RPTOR: variants seen among roughly 807,000 people sequenced by gnomAD.
RPTOR encodes regulatory associated protein of MTOR complex 1, also known as regulatory-associated protein of mTOR.
A neutral mutation model predicts 169.9 loss-of-function variants in RPTOR; 21 were observed. That is an observed-to-expected ratio of 0.12 (90% CI 0.09 to 0.18). The LOEUF is 0.18. Ranked by LOEUF, RPTOR falls within the 10% of genes least tolerant of loss-of-function variation. RPTOR has a pLI of 1.00. For missense variants in RPTOR, 1,133 were observed against 1,855.9 expected (o/e 0.61, Z 7.16); for synonymous variants, 732 against 753.2 (o/e 0.97, Z 0.46).
intron 1 of RPTOR, among the ~76,000 whole-genome samples, chr17:80,623,155 G>A (rs969275608): frequency 6.6e-6 from 1 of 152,080 alleles, no homozygotes; most frequent in African/African-American, 2.4e-5. Context: ...TATTATTAGT[G>A]TTATTTTAGA....
chr17:80,955,705 C>T (rs181037100), intron 28 of RPTOR, among the ~76,000 whole-genome samples: 4 of 152,122 alleles, frequency 2.6e-5, no homozygotes, highest in Non-Finnish European at 4.4e-5. Flanking sequence ...CACCACACAT[C>T]GATAAGGATT....
chr17:80,774,749 G>A (rs548452091), intron 6 of RPTOR, among the ~76,000 whole-genome samples: 9 of 152,348 alleles, frequency 5.9e-5, no homozygotes, highest in African/African-American at 2.2e-4. Context: ...TAGCATTTGC[G>A]GCGCCACATC....
At chr17:80,692,275 CTACGTTATGTTATGTTATGT>C (rs2065998907) in intron 3 of RPTOR, among the ~76,000 whole-genome samples, 6 of 139,422 alleles carry the variant, frequency 4.3e-5, no homozygotes, top group South Asian at 2.4e-4. Context: ...CCATGTCTGG[CTACGTTATGTTATGTTATGT>C]TATGTTATGT....
intron 21 of RPTOR, 62 bp downstream of exon 21, chr17:80,908,991 C>A: frequency 9.0e-7 from 1 of 1,114,132 alleles, no homozygotes; most frequent in Non-Finnish European, 1.4e-6. Context: ...AGTATGCATG[C>A]CAGGAACTCC....
In RPTOR at chr17:80,949,444, C is replaced by T. The variant is rs371500056; in HGVS notation, c.3267C>T (p.Asp1089=). 9.3e-6 allele frequency: 15 copies of T among 1,613,342 alleles called. No homozygotes were observed. Among genetic ancestry groups the T allele is most frequent in the African/African-American group, 1.3e-5 (1 of 74,914 alleles). ...QDCSLLLTAT[D]DGAIRVWKNF... ...ATCCTTTCCTCTCTCCCTCCCCAGACGATGGTGCCATCAGGGTCTGGAAGA... is the reference window on the plus strand; with the variant it reads ...ATCCTTTCCTCTCTCCCTCCCCAGATGATGGTGCCATCAGGGTCTGGAAGA... The change falls in exon 28 of 34, where the codon GAC becomes GAT. Residue 1089 remains aspartate (D), a splice_region_variant and synonymous_variant. Coordinates refer to ENST00000306801, the MANE Select transcript of RPTOR (RefSeq NM_020761.3).
chr17:80,669,277 C>T (rs73437367), intron 3 of RPTOR, among the ~76,000 whole-genome samples: 1,989 of 152,368 alleles, frequency 0.013, 38 homozygotes, highest in African/African-American at 0.044. Context: ...TGCCCTTGCA[C>T]GGAATCTGTA....
intron 2 of RPTOR, among the ~76,000 whole-genome samples, chr17:80,642,305 A>G (rs1030159588): frequency 2.0e-5 from 3 of 152,018 alleles, no homozygotes; most frequent in Non-Finnish European, 4.4e-5. Flanking sequence ...TTGTGTTTTC[A>G]GAAGAGACGG....
intron 1 of RPTOR, among the ~76,000 whole-genome samples, chr17:80,600,961 C>G (rs1461258730): frequency 4.0e-5 from 6 of 151,684 alleles, no homozygotes; most frequent in Non-Finnish European, 8.8e-5. Context: ...CTGTGAAACG[C>G]CTCCCATTGA....
intron 3 of RPTOR, among the ~76,000 whole-genome samples, chr17:80,681,579 AT>A (rs2065898362): frequency 6.8e-6 from 1 of 147,950 alleles, no homozygotes; most frequent in South Asian, 2.1e-4. Flanking sequence ...TTACACCTTC[AT>A]GAGGTGTACG....
intron 2 of RPTOR, among the ~76,000 whole-genome samples, chr17:80,638,556 C>T (rs2065527332): frequency 1.3e-5 from 2 of 151,766 alleles, no homozygotes; most frequent in African/African-American, 4.8e-5. Context: ...CATGCACCAA[C>T]ACGCTGATTA....
intron 4 of RPTOR, among the ~76,000 whole-genome samples, chr17:80,714,809 T>C (rs2143130010): frequency 6.6e-6 from 1 of 152,314 alleles, no homozygotes; most frequent in East Asian, 1.9e-4. Flanking sequence ...CTGCAACCTT[T>C]GTCTCCTGGA....
chr17:80,605,108 G>A (rs1174246790), intron 1 of RPTOR, among the ~76,000 whole-genome samples: 2 of 152,144 alleles, frequency 1.3e-5, no homozygotes, highest in African/African-American at 2.4e-5. Flanking sequence ...CGGTTAAGAC[G>A]ATCCATGTCC....
At chr17:80,868,916 AAAG>A (rs1424407909) in intron 13 of RPTOR, among the ~76,000 whole-genome samples, 1 of 152,182 alleles carries the variant, frequency 6.6e-6, no homozygotes, top group Non-Finnish European at 1.5e-5. Context: ...ACAGTCACAG[AAAG>A]AAGATGAGCT....
chr17:80,882,445 C>T (rs1277773207), intron 14 of RPTOR, among the ~76,000 whole-genome samples: 1 of 152,232 alleles, frequency 6.6e-6, no homozygotes, highest in Non-Finnish European at 1.5e-5. Flanking sequence ...GGAGACAGCA[C>T]CGGCCCCAAC....
At chr17:80,680,283 G>C (rs569733305) in intron 3 of RPTOR, among the ~76,000 whole-genome samples, 1 of 152,158 alleles carries the variant, frequency 6.6e-6, no homozygotes, top group Non-Finnish European at 1.5e-5. Flanking sequence ...GTTCTAACTG[G>C]AATCCTAGAA....
chr17:80,697,168 AC>A (rs1429497732), intron 3 of RPTOR, among the ~76,000 whole-genome samples: 1 of 149,676 alleles, frequency 6.7e-6, no homozygotes, highest in East Asian at 2.1e-4. Flanking sequence ...CAGAGAGGGG[AC>A]ATGGGGGCGG....
chr17:80,623,480 T>C (rs1316218079), intron 1 of RPTOR, among the ~76,000 whole-genome samples: 1 of 152,214 alleles, frequency 6.6e-6, no homozygotes. Flanking sequence ...TACATTCATA[T>C]AATCAAATCA....
chr17:80,792,442 G>A (rs2067058006), intron 7 of RPTOR, among the ~76,000 whole-genome samples: 2 of 152,230 alleles, frequency 1.3e-5, no homozygotes, highest in South Asian at 4.1e-4. Flanking sequence ...GGTGAGCTCC[G>A]TCGTGGTTCA....
intron 13 of RPTOR, among the ~76,000 whole-genome samples, chr17:80,865,676 CGAG>C (rs1325774837): frequency 2.6e-5 from 4 of 151,938 alleles, no homozygotes; most frequent in Non-Finnish European, 1.5e-5. Flanking sequence ...GATGGAACTG[CGAG>C]GAGAAGTAGA....
Sources: allele counts gnomAD v4.1 joint callset (sites outside exome capture counted in the v4.1 genomes callset), GRCh38; gene constraint gnomAD v4.1.1; transcripts MANE v1.5; gene names NCBI Gene and HGNC (gene_info 2026-07-23, HGNC 2026-07-21).